BACH2: variants seen among roughly 807,000 people sequenced by gnomAD.
BACH2 encodes the protein transcription regulator protein BACH2.
Under a neutral mutation model 61.8 loss-of-function variants are expected in BACH2, and 5 were observed. The observed-to-expected ratio is 0.08, with a 90% CI of 0.04 to 0.17. The LOEUF is 0.17. Ranked by LOEUF, BACH2 falls within the 10% of genes least tolerant of loss-of-function variation. The pLI, the probability that BACH2 is intolerant of heterozygous loss-of-function variation, is 1.00. For synonymous variants in BACH2, 446 were observed against 440.1 expected (o/e 1.01, Z -0.17); for missense variants, 824 against 1,091.1 (o/e 0.76, Z 3.45).
chr6:90,130,342 C>A (rs1245065604), intron 4 of BACH2, among the ~76,000 whole-genome samples: 3 of 152,186 alleles, frequency 2.0e-5, no homozygotes, highest in Non-Finnish European at 2.9e-5. Flanking sequence ...ATGCAGCCAC[C>A]AGCTAGGATG....
In BACH2 at chr6:90,044,151, G is replaced by T. The variant is rs117542495; in HGVS notation, c.-12-35295C>A. On this transcript the variant is annotated intron_variant, in intron 5 of 8. Coordinates refer to ENST00000257749, the MANE Select transcript of BACH2 (RefSeq NM_021813.4). ...AAGGGCAATATACACACAAACGAAT[G>T]AATCTACAATAATGTGCTGTAGAGG... 3.3e-4 allele frequency among the ~76,000 whole-genome samples: 51 copies of T among 152,248 alleles called. No homozygotes were observed. In the East Asian group the frequency reaches 8.1e-3, roughly 24 times the overall value.
intron 5 of BACH2, among the ~76,000 whole-genome samples, chr6:90,076,086 C>G (rs1273010843): frequency 1.3e-5 from 2 of 152,144 alleles, no homozygotes; most frequent in African/African-American, 4.8e-5. Flanking sequence ...AAGTCCCACT[C>G]TAGGAATCAC....
At chr6:90,237,189 C>G (rs1055087821) in intron 3 of BACH2, among the ~76,000 whole-genome samples, 1 of 152,200 alleles carries the variant, frequency 6.6e-6, no homozygotes, top group South Asian at 2.1e-4. Context: ...TCCCAAAGTG[C>G]TGGGATTACA....
intron 4 of BACH2, among the ~76,000 whole-genome samples, chr6:90,199,359 G>A (rs143130478): frequency 7.2e-5 from 11 of 152,238 alleles, no homozygotes; most frequent in East Asian, 1.9e-4. Context: ...AGAAGTCTAC[G>A]TAACTTAGGA....
chr6:90,189,500 C>T (rs1768482362), intron 4 of BACH2, among the ~76,000 whole-genome samples: 1 of 150,274 alleles, frequency 6.7e-6, no homozygotes, highest in Admixed American at 6.7e-5. Flanking sequence ...CCCAGCTACT[C>T]GGGAGGCTGA....
At position 89,932,534 on chromosome 6, in the gene BACH2, G is replaced by A. The variant is rs759143305; in HGVS notation, c.2400C>T (p.Asp800=). The A allele has an allele frequency of 1.2e-6, 2 of 1,614,090 alleles. No individual in the cohort carries two copies. Among genetic ancestry groups the A allele is most frequent in the South Asian group, 1.1e-5 (1 of 91,068 alleles). Residue 800 remains aspartate, a synonymous_variant, in exon 9 of 9, where the codon GAC becomes GAT. Coordinates refer to ENST00000257749, the MANE Select transcript of BACH2 (RefSeq NM_021813.4). The stretch of plus-strand genomic sequence containing the variant: ...GTCCTCTCTCTGAGAAGGTTCCCGG[G>A]TCAGTGCCTTCTAGTCTCCTCCCAG... The part of the protein sequence containing the change: ...CTSGRRLEGT[D]PGTFSERGPP...
chr6:90,094,460 A>G (rs892868614), intron 4 of BACH2, among the ~76,000 whole-genome samples: 4 of 152,202 alleles, frequency 2.6e-5, no homozygotes, highest in Admixed American at 6.5e-5. Flanking sequence ...TCTGATTTCC[A>G]GTGTTGCTCT....
intron 4 of BACH2, among the ~76,000 whole-genome samples, chr6:90,096,469 CT>C: frequency 6.6e-6 from 1 of 152,352 alleles, no homozygotes; most frequent in African/African-American, 2.4e-5. Context: ...AATTACCTAT[CT>C]TCTCTCTTGG....
At chr6:90,015,627 G>A (rs1337745566) in intron 5 of BACH2, among the ~76,000 whole-genome samples, 9 of 152,130 alleles carry the variant, frequency 5.9e-5, no homozygotes, top group Non-Finnish European at 1.3e-4. Flanking sequence ...TGTGGTCACA[G>A]AACAAACTTC....
chr6:89,944,380 A>C (rs1773609663), intron 7 of BACH2, among the ~76,000 whole-genome samples: 2 of 152,264 alleles, frequency 1.3e-5, no homozygotes, highest in African/African-American at 2.4e-5. Flanking sequence ...GTTTCGTCTT[A>C]CAGACATGTG....
At chr6:90,269,476 C>A (rs1771451214) in intron 2 of BACH2, among the ~76,000 whole-genome samples, 1 of 152,132 alleles carries the variant, frequency 6.6e-6, no homozygotes, top group South Asian at 2.1e-4. Flanking sequence ...ATTTCCAAAT[C>A]TGGCAGCTTA....
At chr6:89,993,889 G>C (rs1476794448) in intron 6 of BACH2, among the ~76,000 whole-genome samples, 2 of 151,194 alleles carry the variant, frequency 1.3e-5, no homozygotes, top group Non-Finnish European at 2.9e-5. Flanking sequence ...ATAAAACCCA[G>C]TTGAGGATGG....
intron 5 of BACH2, among the ~76,000 whole-genome samples, chr6:90,017,734 A>G (rs1466626494): frequency 2.6e-5 from 4 of 152,240 alleles, no homozygotes; most frequent in African/African-American, 7.2e-5. Flanking sequence ...CTTGGAATAT[A>G]GTTATAATAA....
At chr6:90,270,368 C>G (rs1771479789) in intron 2 of BACH2, among the ~76,000 whole-genome samples, 1 of 152,106 alleles carries the variant, frequency 6.6e-6, no homozygotes, top group Non-Finnish European at 1.5e-5. Context: ...GCTCCTAGAT[C>G]AGTAAGGTCT....
At chr6:89,946,881 G>A (rs12201082) in intron 7 of BACH2, among the ~76,000 whole-genome samples, 6,218 of 152,246 alleles carry the variant, frequency 0.041, 188 homozygotes, top group Middle Eastern at 0.068. Flanking sequence ...ATAATACTGC[G>A]CTAATTTGAT....
intron 5 of BACH2, among the ~76,000 whole-genome samples, chr6:90,066,062 T>C (rs1780948337): frequency 2.0e-5 from 3 of 152,190 alleles, no homozygotes; most frequent in Non-Finnish European, 2.9e-5. Flanking sequence ...TTTATGTCTA[T>C]GTACCCCAGC....
chr6:90,156,388 G>C (rs934749860), intron 4 of BACH2, among the ~76,000 whole-genome samples: 6 of 152,162 alleles, frequency 3.9e-5, no homozygotes, highest in Admixed American at 2.6e-4. Context: ...AAGTGGGACT[G>C]TTCCTATTTT....
chr6:90,167,134 T>A (rs891550677), intron 4 of BACH2, among the ~76,000 whole-genome samples: 1 of 152,140 alleles, frequency 6.6e-6, no homozygotes, highest in Non-Finnish European at 1.5e-5. Flanking sequence ...ATTCTGAAAT[T>A]TGTCCTCTCA....
chr6:89,996,736 C>G (rs1776868023), intron 6 of BACH2, among the ~76,000 whole-genome samples: 2 of 152,182 alleles, frequency 1.3e-5, no homozygotes, highest in Admixed American at 1.3e-4. Context: ...CTTCCCTCCA[C>G]CTGAACCTCT....
Sources: allele counts gnomAD v4.1 joint callset (sites outside exome capture counted in the v4.1 genomes callset), GRCh38; gene constraint gnomAD v4.1.1; transcripts MANE v1.5; gene names NCBI Gene and HGNC (gene_info 2026-07-23, HGNC 2026-07-21).